CHSY3: variants seen among roughly 807,000 people sequenced by gnomAD.
CHSY3 encodes N-acetylgalactosaminyl-proteoglycan 3-beta-glucuronosyltransferase 3.
In CHSY3, 35 loss-of-function variants were observed where a neutral mutation model predicts 67.2. That is an observed-to-expected ratio of 0.52 (90% CI 0.40 to 0.69). The LOEUF is 0.69. Ranked by LOEUF, CHSY3 falls within the 30% of genes least tolerant of loss-of-function variation. The probability of loss-of-function intolerance (pLI) is 0.00; values close to 1 mark genes in which losing one functional copy is unlikely to be tolerated. For synonymous variants in CHSY3, 474 were observed against 434.7 expected, an observed-to-expected ratio of 1.09 and a Z score of -1.12; for missense variants, 1,069 against 1,138.5, an observed-to-expected ratio of 0.94 and a Z score of 0.88.
At chr5:129,992,534 A>G (rs2149631357) in intron 2 of CHSY3, among the ~76,000 whole-genome samples, 1 of 152,302 alleles carries the variant, frequency 6.6e-6, no homozygotes, top group South Asian at 2.1e-4. Context: ...ATTTTATTTT[A>G]TGTTCTTAAA....
chr5:130,138,803 A>T (rs1011245658), intron 2 of CHSY3, among the ~76,000 whole-genome samples: 1 of 152,206 alleles, frequency 6.6e-6, no homozygotes, highest in Non-Finnish European at 1.5e-5. Context: ...CTGTTCCAGT[A>T]GGTTGGACCC....
chr5:130,009,754 A>G (rs560241743), intron 2 of CHSY3, among the ~76,000 whole-genome samples: 2 of 152,166 alleles, frequency 1.3e-5, no homozygotes, highest in Non-Finnish European at 2.9e-5. Flanking sequence ...ACCATCTCCC[A>G]TGCAGTGACA....
At chr5:130,096,927 C>A (rs1767068171) in intron 2 of CHSY3, among the ~76,000 whole-genome samples, 1 of 152,040 alleles carries the variant, frequency 6.6e-6, no homozygotes, top group African/African-American at 2.4e-5. Context: ...TGCTCTGACT[C>A]TTTCTCCTCC....
At chr5:130,056,558 T>C (rs1765538259) in intron 2 of CHSY3, among the ~76,000 whole-genome samples, 1 of 152,218 alleles carries the variant, frequency 6.6e-6, no homozygotes, top group Non-Finnish European at 1.5e-5. Context: ...TCAGAATTGA[T>C]CTTTTTGTTT....
At chr5:129,907,459 C>A (rs1760351436) in intron 1 of CHSY3, among the ~76,000 whole-genome samples, 1 of 152,122 alleles carries the variant, frequency 6.6e-6, no homozygotes, top group Non-Finnish European at 1.5e-5. Flanking sequence ...GTTTTAGCTG[C>A]AAAATTTTAT....
chr5:129,991,942 G>C (rs1763381026), intron 2 of CHSY3, among the ~76,000 whole-genome samples: 1 of 152,162 alleles, frequency 6.6e-6, no homozygotes, highest in Non-Finnish European at 1.5e-5. Flanking sequence ...CCCTTTCTCT[G>C]TTTATAGTTT....
chr5:130,099,288 A>G (rs186848146), intron 2 of CHSY3, among the ~76,000 whole-genome samples: 32 of 152,160 alleles, frequency 2.1e-4, no homozygotes, highest in Non-Finnish European at 4.0e-4. Flanking sequence ...TTTCTTTGAG[A>G]GAATATTTGG....
At chr5:130,044,948 G>C (rs535649548) in intron 2 of CHSY3, among the ~76,000 whole-genome samples, 1 of 152,022 alleles carries the variant, frequency 6.6e-6, no homozygotes, top group Non-Finnish European at 1.5e-5. Context: ...AAAAAATGGC[G>C]GCTAGCATAC....
chr5:130,086,906 C>T (rs1249386733), intron 2 of CHSY3, among the ~76,000 whole-genome samples: 1 of 151,900 alleles, frequency 6.6e-6, no homozygotes, highest in Non-Finnish European at 1.5e-5. Flanking sequence ...CTGGCAGAGA[C>T]ACAACAAAAA....
chr5:129,955,143 A>C (rs1762135579), intron 2 of CHSY3, among the ~76,000 whole-genome samples: 2 of 152,196 alleles, frequency 1.3e-5, no homozygotes, highest in Admixed American at 1.3e-4. Flanking sequence ...TTGGGATTAC[A>C]GGCGTGAGCC....
At chr5:129,982,833 C>T (rs1444634498) in intron 2 of CHSY3, among the ~76,000 whole-genome samples, 2 of 151,900 alleles carry the variant, frequency 1.3e-5, no homozygotes, top group Non-Finnish European at 1.5e-5. Flanking sequence ...TTAATTATGT[C>T]TTTTTATCTA....
intron 1 of CHSY3, among the ~76,000 whole-genome samples, chr5:129,907,436 G>A (rs1203442943): frequency 6.6e-6 from 1 of 152,162 alleles, no homozygotes; most frequent in Non-Finnish European, 1.5e-5. Flanking sequence ...GGAATACCAA[G>A]TGCTTCTCAA....
chr5:129,994,222 G>A (rs1763460077), intron 2 of CHSY3, among the ~76,000 whole-genome samples: 1 of 152,032 alleles, frequency 6.6e-6, no homozygotes, highest in Non-Finnish European at 1.5e-5. Flanking sequence ...GTGTCTTTGT[G>A]GTGTTCTGTG....
chr5:129,931,294 C>G (rs964459192), intron 2 of CHSY3, among the ~76,000 whole-genome samples: 1 of 152,058 alleles, frequency 6.6e-6, no homozygotes, highest in Non-Finnish European at 1.5e-5. Context: ...TCCAGCGTAG[C>G]TCTAAATGCG....
At chr5:130,162,824 C>T (rs2149729051) in intron 2 of CHSY3, among the ~76,000 whole-genome samples, 1 of 152,276 alleles carries the variant, frequency 6.6e-6, no homozygotes, top group East Asian at 1.9e-4. Flanking sequence ...GGCCACATAC[C>T]AATTGTACTG....
rs150546887 is a variant in CHSY3 at position 130,124,429 on chromosome 5, T to C, written c.1087-59800T>C. ...TCTTGCAAATTTATCTGCACTTCAG[T>C]ACAAATACCAAAAACATACAGAGCG... On this transcript the variant is annotated intron_variant, in intron 2 of 2. Coordinates refer to ENST00000305031, the MANE Select transcript of CHSY3 (RefSeq NM_175856.5). Among the ~76,000 whole-genome samples, 1,415 of 151,984 alleles carry C rather than the reference T, an allele frequency of 9.3e-3. 16 individuals carry two copies. Among genetic ancestry groups the C allele is most frequent in the African/African-American group, 0.032 (1,312 of 41,436 alleles).
chr5:130,132,417 A>T (rs146662105), intron 2 of CHSY3, among the ~76,000 whole-genome samples: 1 of 152,022 alleles, frequency 6.6e-6, no homozygotes, highest in South Asian at 2.1e-4. Flanking sequence ...GAGAGCATAA[A>T]GTCTGGAACA....
intron 2 of CHSY3, among the ~76,000 whole-genome samples, chr5:129,956,023 A>G (rs1291887158): frequency 1.3e-5 from 2 of 152,154 alleles, no homozygotes; most frequent in African/African-American, 2.4e-5. Flanking sequence ...CCATAGAACA[A>G]TTTATATTCC....
intron 2 of CHSY3, among the ~76,000 whole-genome samples, chr5:129,991,524 T>TATATA (rs1763366298): frequency 6.6e-6 from 1 of 152,170 alleles, no homozygotes; most frequent in East Asian, 1.9e-4. Flanking sequence ...TGTTCCTTGA[T>TATATA]GAGTATAATA....
Sources: gnomAD v4.1 joint callset for allele counts (sites outside exome capture counted in the v4.1 genomes callset) on GRCh38, gnomAD v4.1.1 for gene constraint, MANE v1.5 for transcripts, NCBI Gene and HGNC (gene_info 2026-07-23, HGNC 2026-07-21) for gene names.